SIK2: variants seen among roughly 807,000 people sequenced by gnomAD.
SIK2 encodes salt inducible kinase 2.
In SIK2, 29 loss-of-function variants were observed where a neutral mutation model predicts 103.2. That is an observed-to-expected ratio of 0.28 (90% CI 0.21 to 0.38). The LOEUF is 0.38. Ranked by LOEUF, SIK2 falls within the 10% of genes least tolerant of loss-of-function variation. The pLI is 1.00. For synonymous variants in SIK2, 412 were observed against 446.1 expected (o/e 0.92, Z 0.96); for missense variants, 879 against 1,171.0 (o/e 0.75, Z 3.64).
At chr11:111,645,805 GAAA>G (rs1555027374) in intron 3 of SIK2, among the ~76,000 whole-genome samples, 1 of 136,264 alleles carries the variant, frequency 7.3e-6, no homozygotes. Flanking sequence ...ACAAGAGCAA[GAAA>G]AAAAAAAAAG....
At chr11:111,610,766 C>T (rs569044717) in intron 1 of SIK2, among the ~76,000 whole-genome samples, 2 of 152,194 alleles carry the variant, frequency 1.3e-5, no homozygotes, top group South Asian at 2.1e-4. Flanking sequence ...TAATATATCT[C>T]AGAGAATTAG....
At chr11:111,699,949 G>A (rs1943172239) in intron 4 of SIK2, among the ~76,000 whole-genome samples, 1 of 152,214 alleles carries the variant, frequency 6.6e-6, no homozygotes. Context: ...CCAGCTGGGT[G>A]GAGAGCCAGT....
At chr11:111,716,903 C>T (rs1018675121) in intron 9 of SIK2, among the ~76,000 whole-genome samples, 14 of 152,132 alleles carry the variant, frequency 9.2e-5, no homozygotes, top group African/African-American at 3.4e-4. Flanking sequence ...GTCTAATATC[C>T]AGCCCATAAG....
At chr11:111,689,892 G>C (rs189662230) in intron 4 of SIK2, among the ~76,000 whole-genome samples, 2 of 151,570 alleles carry the variant, frequency 1.3e-5, no homozygotes, top group East Asian at 3.9e-4. Flanking sequence ...CCATTCTATA[G>C]TCTGTGATTT....
chr11:111,642,839 A>G (rs1942202554), intron 3 of SIK2, among the ~76,000 whole-genome samples: 1 of 152,216 alleles, frequency 6.6e-6, no homozygotes, highest in East Asian at 1.9e-4. Flanking sequence ...TGTTACAAGT[A>G]ACAAAAGATA....
chr11:111,708,805 C>T (rs1173980441), intron 8 of SIK2, among the ~76,000 whole-genome samples: 1 of 152,088 alleles, frequency 6.6e-6, no homozygotes, highest in Non-Finnish European at 1.5e-5. Flanking sequence ...CTAGGCTGGT[C>T]TCAAACTCCT....
chr11:111,673,239 G>A (rs1019454556), intron 3 of SIK2, among the ~76,000 whole-genome samples: 2 of 152,202 alleles, frequency 1.3e-5, no homozygotes, highest in Admixed American at 1.3e-4. Context: ...GAACCAGCAA[G>A]TTTTAGAACC....
chr11:111,723,550 T>TA lies in SIK2; in HGVS notation c.2204dup (p.Asn735LysfsTer116). ...AGCAGTCTCAACTGCAGGCCTATTT[T>TA]AATCAGATGCAGATAGCAGAGAGCT... is the stretch of plus-strand genomic sequence containing the variant. On this transcript the variant is annotated frameshift_variant, in exon 15 of 15. Transcript: ENST00000304987. LOFTEE classifies it high-confidence loss of function. 6.2e-7 allele frequency: 1 copy of TA among 1,614,212 alleles called. No homozygotes were observed. Among genetic ancestry groups the TA allele is most frequent in the Non-Finnish European group, 8.5e-7 (1 of 1,180,032 alleles).
chr11:111,674,749 ATT>A (rs1205063442), intron 3 of SIK2, among the ~76,000 whole-genome samples: 2 of 145,514 alleles, frequency 1.4e-5, no homozygotes, highest in Non-Finnish European at 1.5e-5. Flanking sequence ...TACTGTGATA[ATT>A]TTTTTTTTTT....
rs755607439 is a variant in SIK2, at chr11:111,719,984, G to A, written c.1476G>A (p.Leu492=). ...RHTLSEVTNQ[L]VVMPGAGKIF... is the part of the protein sequence containing the mutation. ...CTCTGTCAGAAGTGACCAATCAACTGGTCGTGATGCCTGGGGCAGGTACGG... is the reference window on the plus strand; with the variant it reads ...CTCTGTCAGAAGTGACCAATCAACTAGTCGTGATGCCTGGGGCAGGTACGG... Residue 492 remains leucine, a synonymous_variant, in exon 10 of 15, where the codon CTG becomes CTA. Transcript: ENST00000304987. The A allele has an allele frequency of 6.2e-7, 1 of 1,613,914 alleles. No individual in the cohort carries two copies. The highest frequency in any genetic ancestry group is 8.5e-7 in the Non-Finnish European group (1 of 1,179,860).
intron 3 of SIK2, among the ~76,000 whole-genome samples, chr11:111,652,844 A>G (rs372929692): frequency 1.5e-4 from 23 of 152,318 alleles, no homozygotes; most frequent in African/African-American, 5.3e-4. Context: ...CACAGTTAAT[A>G]ATTAGAAGAA....
chr11:111,676,880 A>G (rs1178820114), intron 3 of SIK2, among the ~76,000 whole-genome samples: 3 of 152,186 alleles, frequency 2.0e-5, no homozygotes, highest in African/African-American at 7.2e-5. Context: ...ATCTGGATGT[A>G]TTTATCTGTG....
chr11:111,721,341 C>T (rs556744762), intron 12 of SIK2, among the ~76,000 whole-genome samples: 9 of 152,228 alleles, frequency 5.9e-5, no homozygotes, highest in South Asian at 2.1e-4. Flanking sequence ...CTCTTACAGT[C>T]GCCCTTGAAC....
At chr11:111,720,806 G>T in intron 11 of SIK2, 44 bp downstream of exon 11, 1 of 1,571,706 alleles carries the variant, frequency 6.4e-7, no homozygotes, top group South Asian at 1.2e-5. Context: ...CGTCGTAGGA[G>T]AGCAGTTTCT....
In SIK2 at chr11:111,603,845, G is replaced by A. The variant is rs145381871; in HGVS notation, c.135+1147G>A. On this transcript the variant is annotated intron_variant, in intron 1 of 14. Transcript: ENST00000304987. ...CCCTTGTTAGTACGAATGTACTGGA[G>A]TTTGAGTGTAGAATAAAGTAGGACT... Among the ~76,000 whole-genome samples the A allele has an allele frequency of 8.0e-3, 1,224 of 152,300 alleles. 19 individuals are homozygous for A. Among genetic ancestry groups the A allele is most frequent in the African/African-American group, 0.028 (1,164 of 41,558 alleles).
In SIK2 at chr11:111,602,950, C is replaced by G. The variant is rs573549105; in HGVS notation, c.135+252C>G. 6.6e-6 allele frequency among the ~76,000 whole-genome samples: 1 copy of G among 152,114 alleles called. No homozygotes were observed. Among genetic ancestry groups the G allele is most frequent in the African/African-American group, 2.4e-5 (1 of 41,430 alleles). On this transcript the variant is annotated intron_variant, in intron 1 of 14. Transcript: ENST00000304987. The surrounding 1 kb of genome is among the most constrained non-coding windows in gnomAD (Gnocchi z 4.5). ...GCAACCAGCCGGGGCTTTGCTTTCC[C>G]CTACGCCACCCCCGGTGGCCACCCG...
rs769964011 is a variant in SIK2 at position 111,720,536 on chromosome 11, T to C, written c.1554T>C (p.Asp518=). The C allele has an allele frequency of 3.7e-6, 6 of 1,614,014 alleles. No individual in the cohort carries two copies. The South Asian group carries it at 4.4e-5, about 12-fold the overall frequency. ...TTGACAGTGTGGACTCTGAGTATGATATGGGGTCTGTTCAGAGGGACCTGA... is the reference window on the plus strand; with the variant it reads ...TTGACAGTGTGGACTCTGAGTATGACATGGGGTCTGTTCAGAGGGACCTGA... ...PSLDSVDSEY[D]MGSVQRDLNF... is the part of the protein sequence containing the mutation. The change falls in exon 11 of 15, where the codon GAT becomes GAC. Residue 518 remains aspartate (D), a synonymous_variant. Coordinates refer to ENST00000304987, the MANE Select transcript of SIK2 (RefSeq NM_015191.3).
rs1277098260 is a variant in SIK2 at position 111,724,461 on chromosome 11, G to A, written c.*332G>A. 9.8e-5 allele frequency: 30 copies of A among 306,346 alleles called. 1 individual carries two copies. In the Admixed American group the frequency reaches 1.1e-3, roughly 11 times the overall value. 19.0% of individuals were successfully genotyped at this position (306,346 alleles called of 1,614,324 possible). A position where few individuals can be genotyped will look rare whatever the true frequency, so the allele number is the denominator to read the frequency against. On this transcript the variant is annotated 3_prime_UTR_variant, in exon 15 of 15. Transcript: ENST00000304987. ...CCAGGTGTTATGCAGGATTACATCC[G>A]TTTATTATCAAGGGCAACCTTGGTG...
At chr11:111,666,803 C>G (rs1237792458) in intron 3 of SIK2, among the ~76,000 whole-genome samples, 2 of 151,996 alleles carry the variant, frequency 1.3e-5, no homozygotes, top group African/African-American at 2.4e-5. Context: ...TAGGAAACAC[C>G]TAACTAGCAA....
Sources: gnomAD v4.1 joint callset for allele counts (sites outside exome capture counted in the v4.1 genomes callset) on GRCh38, gnomAD v4.1.1 for gene constraint, Gnocchi (gnomAD v3.1) non-coding constraint, MANE v1.5 for transcripts, NCBI Gene and HGNC (gene_info 2026-07-23, HGNC 2026-07-21) for gene names.